The following SH3BGRL2 variants were observed in gnomAD, a reference collection of about 807,000 sequenced individuals.
SH3BGRL2 encodes the protein SH3 domain-binding glutamic acid-rich-like protein 2.
Under a neutral mutation model 14.8 loss-of-function variants are expected in SH3BGRL2, and 21 were observed. That is an observed-to-expected ratio of 1.42 (90% CI 1.01 to 2.05). The LOEUF (loss-of-function observed/expected upper bound fraction) is 2.05. SH3BGRL2 is among the 30% of genes most tolerant of loss of function. SH3BGRL2 has a pLI of 0.00. For synonymous variants in SH3BGRL2, 50 were observed against 47.8 expected (o/e 1.05, Z -0.19); for missense variants, 147 against 130.8 (o/e 1.12, Z -0.61).
intron 1 of SH3BGRL2, among the ~76,000 whole-genome samples, chr6:79,657,622 A>ATT (rs928394035): frequency 6.7e-6 from 1 of 149,032 alleles, no homozygotes; most frequent in Non-Finnish European, 1.5e-5. Flanking sequence ...ATTTTTTTTA[A>ATT]TTTTTTTTTT....
chr6:79,540,400 A>C, the SH3BGRL2 span, among the ~76,000 whole-genome samples: 1 of 152,088 alleles, frequency 6.6e-6, no homozygotes, highest in African/African-American at 2.4e-5. Flanking sequence ...GCGCCACTGC[A>C]CTCCAGCCTG....
chr6:79,563,491 G>T, the SH3BGRL2 span, among the ~76,000 whole-genome samples: 1 of 152,134 alleles, frequency 6.6e-6, no homozygotes, highest in African/African-American at 2.4e-5. Context: ...AAAGTGACTT[G>T]TTTGACCAAT....
intron 1 of SH3BGRL2, among the ~76,000 whole-genome samples, chr6:79,660,747 T>C (rs1346197142): frequency 6.6e-6 from 1 of 152,168 alleles, no homozygotes; most frequent in Non-Finnish European, 1.5e-5. Flanking sequence ...TGGTAGAATT[T>C]GGCTGTGAAT....
the SH3BGRL2 span, among the ~76,000 whole-genome samples, chr6:79,610,140 C>T: frequency 6.6e-6 from 1 of 152,120 alleles, no homozygotes; most frequent in African/African-American, 2.4e-5. Context: ...CTATTACTAT[C>T]CTATTTGATA....
the SH3BGRL2 span, among the ~76,000 whole-genome samples, chr6:79,566,285 C>G: frequency 1.3e-5 from 2 of 152,172 alleles, no homozygotes; most frequent in Non-Finnish European, 2.9e-5. Context: ...AATTCATACA[C>G]TAAACCTCCT....
chr6:79,608,754 C>A, the SH3BGRL2 span, among the ~76,000 whole-genome samples: 2 of 152,098 alleles, frequency 1.3e-5, no homozygotes, highest in Non-Finnish European at 2.9e-5. Context: ...AGGTGAGAAC[C>A]CCCTGGAATG....
chr6:79,655,897 TCCA>T (rs1177486635), intron 1 of SH3BGRL2, among the ~76,000 whole-genome samples: 3 of 152,186 alleles, frequency 2.0e-5, no homozygotes, highest in African/African-American at 7.2e-5. Flanking sequence ...TAACAAGCCC[TCCA>T]GGTGACCCAG....
At chr6:79,575,881 A>C in the SH3BGRL2 span, among the ~76,000 whole-genome samples, 1 of 151,894 alleles carries the variant, frequency 6.6e-6, no homozygotes, top group Non-Finnish European at 1.5e-5. Flanking sequence ...TGTTTTTAGC[A>C]TCTTCCTTTT....
the SH3BGRL2 span, among the ~76,000 whole-genome samples, chr6:79,546,034 C>T: frequency 1.3e-5 from 2 of 151,840 alleles, no homozygotes; most frequent in Non-Finnish European, 2.9e-5. Context: ...ATCAATAGTA[C>T]AAGTGAAACA....
the SH3BGRL2 span, chr6:79,574,813 G>C: frequency 6.6e-6 from 1 of 152,218 alleles, no homozygotes; most frequent in East Asian, 1.9e-4. Context: ...ACAGGTCTTT[G>C]ATGTCTGGGG....
chr6:79,625,835 T>C, the SH3BGRL2 span, among the ~76,000 whole-genome samples: 1 of 152,194 alleles, frequency 6.6e-6, no homozygotes, highest in African/African-American at 2.4e-5. Flanking sequence ...CCTAAGGTCA[T>C]ATAGCTGTGA....
intron 2 of SH3BGRL2, among the ~76,000 whole-genome samples, chr6:79,686,318 T>TC (rs1469883334): frequency 1.3e-5 from 2 of 152,112 alleles, no homozygotes; most frequent in Non-Finnish European, 2.9e-5. Flanking sequence ...TTGCCCTTTT[T>TC]CCCCCCTCCC....
chr6:79,631,916 G>T (rs1768833950), intron 1 of SH3BGRL2, among the ~76,000 whole-genome samples: 1 of 152,304 alleles, frequency 6.6e-6, no homozygotes, highest in South Asian at 2.1e-4. Flanking sequence ...TGCTGCTTTG[G>T]TTTGTTACCC....
rs1474056914 is a variant in SH3BGRL2, at chr6:79,691,910, A to T, written c.232-4575A>T. 9.9e-5 allele frequency among the ~76,000 whole-genome samples: 15 copies of T among 152,018 alleles called. No homozygotes were observed. In the South Asian group the frequency reaches 2.5e-3, roughly 25 times the overall value. On this transcript the variant is annotated intron_variant, in intron 2 of 3. Coordinates refer to ENST00000369838, the MANE Select transcript of SH3BGRL2 (RefSeq NM_031469.4). ...TGGGTCAAATGGTATTTCTAGTTCT[A>T]GATCCCTGAGGAATTGCCACACTGA...
At chr6:79,544,463 C>A in the SH3BGRL2 span, among the ~76,000 whole-genome samples, 1 of 152,070 alleles carries the variant, frequency 6.6e-6, no homozygotes, top group East Asian at 1.9e-4. Context: ...TTTTGCAAGC[C>A]AATTGATGTC....
At chr6:79,638,882 G>A (rs774035599) in intron 1 of SH3BGRL2, among the ~76,000 whole-genome samples, 6 of 152,082 alleles carry the variant, frequency 3.9e-5, no homozygotes, top group Non-Finnish European at 8.8e-5. Flanking sequence ...CTTCCATTCT[G>A]TAGGTTGTCT....
At chr6:79,580,887 G>T in the SH3BGRL2 span, among the ~76,000 whole-genome samples, 1 of 152,064 alleles carries the variant, frequency 6.6e-6, no homozygotes, top group South Asian at 2.1e-4. Flanking sequence ...TTGATAGACC[G>T]CTAGCAAGAC....
At position 79,649,985 on chromosome 6, in the gene SH3BGRL2, T is replaced by TCACACACACA. The variant is rs1554202291; in HGVS notation, c.45+18502_45+18511dup. Among the ~76,000 whole-genome samples the TCACACACACA allele has an allele frequency of 5.8e-3, 830 of 142,054 alleles. 6 individuals are homozygous for TCACACACACA. The highest frequency in any genetic ancestry group is 8.8e-3 in the Admixed American group (124 of 14,054). 93.2% of individuals were successfully genotyped at this position (142,054 alleles called of 152,430 possible). On this transcript the variant is annotated intron_variant, in intron 1 of 3. Transcript: ENST00000369838. Reference sequence around the variant, plus strand: ...CTTATGTACTCTCTCTCTCTCTCTCTCACACACACACACACACACACACAC... The same window carrying TCACACACACA: ...CTTATGTACTCTCTCTCTCTCTCTCTCACACACACACACACACACACACACACACACACAC...
upstream of SH3BGRL2, among the ~76,000 whole-genome samples, chr6:79,626,591 T>C (rs557769631): frequency 3.0e-4 from 45 of 152,342 alleles, 1 homozygote; most frequent in South Asian, 9.3e-3. Context: ...GTGGATTTAT[T>C]GGGTGCCAAA....
Sources: allele counts gnomAD v4.1 joint callset (sites outside exome capture counted in the v4.1 genomes callset), GRCh38; gene constraint gnomAD v4.1.1; transcripts MANE v1.5; gene names NCBI Gene and HGNC (gene_info 2026-07-23, HGNC 2026-07-21).